ASPSCR1: variants seen among roughly 807,000 people sequenced by gnomAD.
The protein encoded by ASPSCR1 is tether containing UBX domain for GLUT4.
Under a neutral mutation model 68.9 loss-of-function variants are expected in ASPSCR1, and 55 were observed. The observed-to-expected ratio is 0.80, with a 90% CI of 0.64 to 1.00. ASPSCR1 has a LOEUF of 1.00. Among genes scored for constraint, ASPSCR1 ranks in the 50% least tolerant of loss-of-function variants. The pLI is 0.00. For synonymous variants in ASPSCR1, 352 were observed against 332.6 expected (o/e 1.06, Z -0.63); for missense variants, 765 against 762.2 (o/e 1.00, Z -0.04).
chr17:81,997,707 T>C (rs2042399267), intron 7 of ASPSCR1, among the ~76,000 whole-genome samples: 1 of 150,358 alleles, frequency 6.7e-6, no homozygotes, highest in African/African-American at 2.4e-5. Context: ...TCCAGGATGG[T>C]CTCAATCTCT....
chr17:81,995,195 A>C (rs1454419183), intron 5 of ASPSCR1: 6 of 477,160 alleles, frequency 1.3e-5, no homozygotes, highest in Non-Finnish European at 1.8e-5. Context: ...TGGCGCAAGC[A>C]AAGCCCGCCG....
In ASPSCR1 at chr17:82,016,840, C is replaced by T. The variant is rs1187849956; in HGVS notation, c.1446C>T (p.Ser482=). ...CTGGCCTGCTGGAGCATGCCATCTC[C>T]CCATCTGCGGCCGATGTGCTGGTGG... is the stretch of plus-strand genomic sequence containing the variant. The part of the protein sequence containing the change: ...LEPGLLEHAI[S]PSAADVLVAR... The change falls in exon 14 of 16, where the codon TCC becomes TCT. Residue 482 remains serine (S), a synonymous_variant. Transcript: ENST00000306739. 6.2e-7 allele frequency: 1 copy of T among 1,611,986 alleles called. No homozygotes were observed. Among genetic ancestry groups the T allele is most frequent in the South Asian group, 1.1e-5 (1 of 91,076 alleles).
intron 7 of ASPSCR1, chr17:82,008,711 C>G (rs367961644): frequency 1.4e-4 from 41 of 284,636 alleles, no homozygotes; most frequent in South Asian, 7.1e-4. Flanking sequence ...ACCCCTCCCC[C>G]CCATGGAGAC....
At chr17:82,000,546 C>G (rs1298390112) in intron 7 of ASPSCR1, among the ~76,000 whole-genome samples, 4 of 152,182 alleles carry the variant, frequency 2.6e-5, no homozygotes, top group Admixed American at 2.0e-4. Flanking sequence ...CAAAACAGAA[C>G]TTTTTTGGGG....
chr17:82,003,798 C>T (rs1236274987), intron 7 of ASPSCR1, among the ~76,000 whole-genome samples: 5 of 152,376 alleles, frequency 3.3e-5, no homozygotes, highest in South Asian at 2.1e-4. Flanking sequence ...CTGCTGTGCA[C>T]GTCCCAGGCC....
chr17:81,996,489 C>T lies in ASPSCR1; in HGVS notation c.576C>T (p.Gly192=), dbSNP rs2042345274. Residue 192 remains glycine (G), a synonymous_variant, in exon 7 of 16, where the codon GGC becomes GGT. Coordinates refer to ENST00000306739, the MANE Select transcript of ASPSCR1 (RefSeq NM_024083.4). ...PGSLGSSASA[G]QAAASAPLPL... ...GCCTGGGCTCGTCAGCGTCGGCTGG[C>T]CAGGCAGCCGCCAGCGCTCCACTTC... The T allele has an allele frequency of 3.7e-6, 6 of 1,611,306 alleles. No individual in the cohort carries two copies. The highest frequency in any genetic ancestry group is 5.1e-6 in the Non-Finnish European group (6 of 1,179,076).
chr17:81,996,651 G>T lies in ASPSCR1; in HGVS notation c.738G>T (p.Ser246=). The change falls in exon 7 of 16, where the codon TCG becomes TCT. Residue 246 remains serine (S), a synonymous_variant. Coordinates refer to ENST00000306739, the MANE Select transcript of ASPSCR1 (RefSeq NM_024083.4). The part of the protein sequence containing the change: ...APAAAPFVPF[S]GGGQRLGGPP... The stretch of plus-strand genomic sequence containing the variant: ...CAGCTGCCCCCTTTGTTCCTTTCTC[G>T]GGTGGGGGACAGAGACTGGGGGGCC... 6.2e-7 allele frequency: 1 copy of T among 1,612,780 alleles called. No homozygotes were observed. The highest frequency in any genetic ancestry group is 8.5e-7 in the Non-Finnish European group (1 of 1,179,612).
intron 11 of ASPSCR1, 36 bp downstream of exon 11, chr17:82,011,641 G>C (rs745656872): frequency 5.0e-6 from 8 of 1,599,228 alleles, no homozygotes; most frequent in Non-Finnish European, 5.1e-6. Flanking sequence ...CCTGCCTCCA[G>C]TGCTCGGGGC....
chr17:81,999,066 T>C lies in ASPSCR1; in HGVS notation c.933+2220T>C, dbSNP rs1450283343. On this transcript the variant is annotated intron_variant, in intron 7 of 15. Coordinates refer to ENST00000306739, the MANE Select transcript of ASPSCR1 (RefSeq NM_024083.4). The surrounding 1 kb of genome is among the most constrained non-coding windows in gnomAD (Gnocchi z 4.4). Reference sequence around the variant, plus strand: ...GCCCTGCACCTGGGCTGCTGAAACCTGACTTCCTCAGCTTCCTCACCTGCA... The same window carrying C: ...GCCCTGCACCTGGGCTGCTGAAACCCGACTTCCTCAGCTTCCTCACCTGCA... Among the ~76,000 whole-genome samples the C allele has an allele frequency of 6.6e-6, 1 of 152,270 alleles. No individual in the cohort carries two copies. The highest frequency in any genetic ancestry group is 2.4e-5 in the African/African-American group (1 of 41,478).
intron 7 of ASPSCR1, among the ~76,000 whole-genome samples, chr17:81,997,868 C>G (rs1329095490): frequency 6.7e-6 from 1 of 149,350 alleles, no homozygotes; most frequent in South Asian, 2.1e-4. Context: ...CTTCTGTCGC[C>G]CAGGCTGGAG....
chr17:82,017,261 T>C (rs1598443050), intron 15 of ASPSCR1, 48 bp from the exon 16 acceptor site: 1 of 1,606,424 alleles, frequency 6.2e-7, no homozygotes, highest in African/African-American at 1.3e-5. Context: ...GGTGGCCGGG[T>C]GGTGAGAGCC....
intron 12 of ASPSCR1, chr17:82,013,209 CG>C (rs980118215): frequency 6.6e-6 from 1 of 152,254 alleles, no homozygotes; most frequent in African/African-American, 2.4e-5. Flanking sequence ...CCCGAGCTGC[CG>C]GGCGGACTCC....
In ASPSCR1 at chr17:82,016,555, C is replaced by A. The variant is rs147813785; in HGVS notation, c.1405+28C>A. 12 of 1,549,016 alleles carry A rather than the reference C, an allele frequency of 7.7e-6. No individual in the cohort carries two copies. In the African/African-American group the frequency reaches 1.5e-4, roughly 19 times the overall value. On this transcript the variant is annotated intron_variant, in intron 13 of 15. Transcript: ENST00000306739. ...GAGTGTCAGTGGTTGGGGCCAGTGT[C>A]GGAGTCCAGCCAGCCTGTCCCTGGA...
At chr17:81,991,139 A>G (rs1236661051) in intron 4 of ASPSCR1, among the ~76,000 whole-genome samples, 1 of 152,142 alleles carries the variant, frequency 6.6e-6, no homozygotes, top group South Asian at 2.1e-4. Flanking sequence ...ACCGTGAGGG[A>G]GCAGGGTGGG....
In ASPSCR1 at chr17:81,983,748, G is replaced by T; in HGVS notation, c.273+80G>T. 3 of 1,212,118 alleles carry T rather than the reference G, an allele frequency of 2.5e-6. No homozygotes were observed. The South Asian group carries it at 3.9e-5, about 16-fold the overall frequency. 75.1% of individuals were successfully genotyped at this position (1,212,118 alleles called of 1,614,324 possible). A position where few individuals can be genotyped will look rare whatever the true frequency, so the allele number is the denominator to read the frequency against. On this transcript the variant is annotated intron_variant, in intron 3 of 15. Transcript: ENST00000306739. This position sits in a 1 kb window ranked among gnomAD's most constrained non-coding sequence, Gnocchi z 4.4. Reference sequence around the variant, plus strand: ...GCCAGGGACGGGGGACGGGACAGTGGGGGGTGCTGGGGAAGGAGGGACATG... The same window carrying T: ...GCCAGGGACGGGGGACGGGACAGTGTGGGGTGCTGGGGAAGGAGGGACATG...
At chr17:81,981,029 A>T (rs2041778326) in intron 2 of ASPSCR1, among the ~76,000 whole-genome samples, 1 of 152,210 alleles carries the variant, frequency 6.6e-6, no homozygotes, top group Non-Finnish European at 1.5e-5. Flanking sequence ...AAATAAATAA[A>T]TAAATGGCAA....
chr17:81,996,170 C>T, intron 6 of ASPSCR1, 105 bp downstream of exon 6: 2 of 1,379,000 alleles, frequency 1.5e-6, no homozygotes, highest in Non-Finnish European at 1.9e-6. Flanking sequence ...TAGGTGTACC[C>T]AGGCCCTCAT....
intron 6 of ASPSCR1, 68 bp downstream of exon 6, chr17:81,996,133 G>A (rs2042329288): frequency 1.1e-5 from 17 of 1,485,872 alleles, no homozygotes; most frequent in South Asian, 1.1e-4. Flanking sequence ...CAAAGGAAAG[G>A]AGAAAGGACA....
rs750787852 is a variant in ASPSCR1, at chr17:82,011,610, G to T, written c.1300+5G>T. The T allele has an allele frequency of 1.2e-6, 2 of 1,602,120 alleles. No homozygotes were observed. Among genetic ancestry groups the T allele is most frequent in the Non-Finnish European group, 1.7e-6 (2 of 1,175,828 alleles). The stretch of plus-strand genomic sequence containing the variant: ...CCGAGCTGTCATTTTACCTGTGTAC[G>T]TTTTTTCTCCTGAGCCCACTCCTGC... On this transcript the variant is annotated splice_donor_5th_base_variant and intron_variant, in intron 11 of 15. Transcript: ENST00000306739.
Sources: allele counts gnomAD v4.1 joint callset (sites outside exome capture counted in the v4.1 genomes callset), GRCh38; gene constraint gnomAD v4.1.1; non-coding constraint Gnocchi (gnomAD v3.1); transcripts MANE v1.5; gene names NCBI Gene and HGNC (gene_info 2026-07-23, HGNC 2026-07-21).